The following IGF2BP2 variants were observed in gnomAD, a reference collection of about 807,000 sequenced individuals.
IGF2BP2 encodes the protein insulin like growth factor 2 mRNA binding protein 2.
In IGF2BP2, 17 loss-of-function variants were observed where a neutral mutation model predicts 75.8. The observed-to-expected ratio is 0.22, with a 90% CI of 0.15 to 0.34. The LOEUF is 0.34. Ranked by LOEUF, IGF2BP2 falls within the 10% of genes least tolerant of loss-of-function variation. The pLI is 1.00. For missense variants in IGF2BP2, 516 were observed against 772.4 expected (o/e 0.67, Z 3.93); for synonymous variants, 288 against 295.6 (o/e 0.97, Z 0.26).
intron 2 of IGF2BP2, among the ~76,000 whole-genome samples, chr3:185,801,266 G>C (rs1366399582): frequency 2.6e-5 from 4 of 152,134 alleles, no homozygotes; most frequent in African/African-American, 9.7e-5. Context: ...GAGGCAGGTG[G>C]ATCACTTGAG....
At chr3:185,674,114 T>C (rs1205901843) in intron 9 of IGF2BP2, among the ~76,000 whole-genome samples, 7 of 152,264 alleles carry the variant, frequency 4.6e-5, no homozygotes, top group South Asian at 2.1e-4. Context: ...GCCTGGAGTA[T>C]AGAGGGTACA....
intron 2 of IGF2BP2, among the ~76,000 whole-genome samples, chr3:185,817,217 T>C (rs1740728321): frequency 6.6e-6 from 1 of 152,308 alleles, no homozygotes; most frequent in African/African-American, 2.4e-5. Flanking sequence ...TAATGAGGAA[T>C]AAACAAAATG....
At chr3:185,665,407 GAAA>G (rs1213450827) in intron 10 of IGF2BP2, among the ~76,000 whole-genome samples, 1,005 of 68,132 alleles carry the variant, frequency 0.015, 1 homozygote, top group African/African-American at 0.02. Flanking sequence ...GGAGGAGAAG[GAAA>G]AGGAGGAGAA....
chr3:185,759,969 A>C (rs943191398), intron 2 of IGF2BP2, among the ~76,000 whole-genome samples: 7 of 152,244 alleles, frequency 4.6e-5, no homozygotes, highest in Non-Finnish European at 2.9e-5. Flanking sequence ...GGATTATTTT[A>C]AACTGAAACC....
chr3:185,823,439 G>A (rs969398561), intron 1 of IGF2BP2, among the ~76,000 whole-genome samples: 8 of 152,182 alleles, frequency 5.3e-5, no homozygotes, highest in African/African-American at 1.9e-4. Flanking sequence ...CGGACCCCAG[G>A]TATAGCCGTG....
At chr3:185,665,491 A>AAGGAGGAGGAGAAGG (rs1164710716) in intron 10 of IGF2BP2, among the ~76,000 whole-genome samples, 58 of 37,720 alleles carry the variant, frequency 1.5e-3, no homozygotes, top group East Asian at 3.2e-3. Flanking sequence ...GAAGGAGGAG[A>AAGGAGGAGGAGAAGG]AGGAGGAGGA....
At chr3:185,747,980 C>A (rs1038148587) in intron 2 of IGF2BP2, among the ~76,000 whole-genome samples, 8 of 152,084 alleles carry the variant, frequency 5.3e-5, no homozygotes, top group Non-Finnish European at 1.2e-4. Flanking sequence ...CTCAGCCTCC[C>A]GAGTAGCTGC....
rs541104481 is a variant in IGF2BP2, at chr3:185,677,267, G to A, written c.813-1354C>T. On this transcript the variant is annotated intron_variant, in intron 7 of 15. Coordinates refer to ENST00000382199, the MANE Select transcript of IGF2BP2 (RefSeq NM_006548.6). ...GATTATGCATACAACATTTTGGCTT[G>A]TCTGGAAGGTGCCAGAAAAACTGGT... Among the ~76,000 whole-genome samples the A allele has an allele frequency of 1.3e-4, 20 of 151,850 alleles. No individual in the cohort carries two copies. The East Asian group carries it at 3.7e-3, about 28-fold the overall frequency.
Position 185,645,768 on chromosome 3 carries a change from C to CT in IGF2BP2, c.1708-146dup. On this transcript the variant is annotated intron_variant, in intron 15 of 15. Transcript: ENST00000382199. This position sits in a 1 kb window ranked among gnomAD's most constrained non-coding sequence, Gnocchi z 4.9. ...ATCATCTACCCACCCCCGCACGTTA[C>CT]TCCAGGCCCTTTTCTGCCTGGAAGT... 1 of 629,684 alleles carries CT rather than the reference C, an allele frequency of 1.6e-6. No homozygotes were observed. Among genetic ancestry groups the CT allele is most frequent in the South Asian group, 2.0e-5 (1 of 51,090 alleles). The allele number at this position is 629,684 out of a possible 1,614,324, so 39.0% of individuals were successfully genotyped here. A position where few individuals can be genotyped will look rare whatever the true frequency, so the allele number is the denominator to read the frequency against.
chr3:185,812,285 G>A (rs751054877), intron 2 of IGF2BP2, among the ~76,000 whole-genome samples: 1 of 152,128 alleles, frequency 6.6e-6, no homozygotes, highest in Non-Finnish European at 1.5e-5. Context: ...AATGGGTCCC[G>A]TGTCACCATG....
intron 2 of IGF2BP2, among the ~76,000 whole-genome samples, chr3:185,700,902 A>G (rs1723206564): frequency 6.6e-6 from 1 of 152,216 alleles, no homozygotes; most frequent in African/African-American, 2.4e-5. Context: ...GCACTGTCAT[A>G]GAAAACTCTC....
At chr3:185,667,023 A>T (rs184440280) in intron 10 of IGF2BP2, among the ~76,000 whole-genome samples, 172 of 152,322 alleles carry the variant, frequency 1.1e-3, no homozygotes, top group Middle Eastern at 0.01. Flanking sequence ...TAAAACTGTC[A>T]AATAGTATAA....
intron 1 of IGF2BP2, among the ~76,000 whole-genome samples, chr3:185,823,725 C>T (rs1017079584): frequency 3.9e-5 from 6 of 151,912 alleles, no homozygotes; most frequent in African/African-American, 1.5e-4. Flanking sequence ...GGCCTCGCCG[C>T]CGCCCCGCCC....
intron 2 of IGF2BP2, among the ~76,000 whole-genome samples, chr3:185,781,219 GTC>G (rs1346343558): frequency 1.3e-5 from 2 of 152,054 alleles, no homozygotes; most frequent in African/African-American, 4.8e-5. Context: ...TAAAAAAATT[GTC>G]TGTTTTTATT....
chr3:185,721,006 C>T (rs1001592772), intron 2 of IGF2BP2, among the ~76,000 whole-genome samples: 1 of 152,124 alleles, frequency 6.6e-6, no homozygotes, highest in Admixed American at 6.5e-5. Flanking sequence ...TGTGTGCACA[C>T]GCTTGCACAC....
chr3:185,709,811 C>T (rs1375872848), intron 2 of IGF2BP2, among the ~76,000 whole-genome samples: 1 of 152,172 alleles, frequency 6.6e-6, no homozygotes, highest in Non-Finnish European at 1.5e-5. Flanking sequence ...CACAAGAGAG[C>T]ACCATCTCAC....
At chr3:185,821,209 G>T (rs1393751879) in intron 2 of IGF2BP2, 3 of 1,246,824 alleles carry the variant, frequency 2.4e-6, no homozygotes, top group South Asian at 1.7e-5. Context: ...AATCAGAAAT[G>T]ATGTAACTCC....
In IGF2BP2 at chr3:185,762,125, C is replaced by A. The variant is rs550549533; in HGVS notation, c.239+61028G>T. Among the ~76,000 whole-genome samples, 38 of 152,190 alleles carry A rather than the reference C, an allele frequency of 2.5e-4. No homozygotes were observed. In the South Asian group the frequency reaches 7.5e-3, roughly 30 times the overall value. ...ACCCAAGGCCAGATGCGGTGGCTCA[C>A]GCCTGTAATCCCAGCACTTTGGGAG... is the stretch of plus-strand genomic sequence containing the variant. On this transcript the variant is annotated intron_variant, in intron 2 of 15. Coordinates refer to ENST00000382199, the MANE Select transcript of IGF2BP2 (RefSeq NM_006548.6).
At chr3:185,676,774 G>GATATATATTTACTGGAAATAT (rs1020294028) in intron 7 of IGF2BP2, among the ~76,000 whole-genome samples, 12,833 of 136,954 alleles carry the variant, frequency 0.094, 963 homozygotes, top group Middle Eastern at 0.14. Context: ...TATATATGGA[G>GATATATATTTACTGGAAATAT]ATATATATTT....
Sources: allele counts gnomAD v4.1 joint callset (sites outside exome capture counted in the v4.1 genomes callset), GRCh38; gene constraint gnomAD v4.1.1; non-coding constraint Gnocchi (gnomAD v3.1); transcripts MANE v1.5; gene names NCBI Gene and HGNC (gene_info 2026-07-23, HGNC 2026-07-21).